LAP3: variants seen among roughly 807,000 people sequenced by gnomAD.
LAP3 encodes cytosol aminopeptidase.
In LAP3, 46 loss-of-function variants were observed where a neutral mutation model predicts 58.8. That is an observed-to-expected ratio of 0.78 (90% CI 0.62 to 1.00). The LOEUF (loss-of-function observed/expected upper bound fraction) is 1.00. LAP3 is among the 50% of genes least tolerant of loss of function. The probability of loss-of-function intolerance (pLI) is 0.00; values close to 1 mark genes in which losing one functional copy is unlikely to be tolerated. For missense variants in LAP3, 615 were observed against 659.1 expected, an observed-to-expected ratio of 0.93 and a Z score of 0.73; for synonymous variants, 257 against 237.7, an observed-to-expected ratio of 1.08 and a Z score of -0.75.
intron 10 of LAP3, 81 bp downstream of exon 10, chr4:17,598,639 T>A: frequency 1.9e-6 from 2 of 1,037,868 alleles, no homozygotes; most frequent in Admixed American, 3.9e-5. Context: ...ACTTGTGGCA[T>A]TATTTTGCTA....
intron 7 of LAP3, among the ~76,000 whole-genome samples, chr4:17,594,419 T>C (rs1713777449): frequency 6.6e-6 from 1 of 152,196 alleles, no homozygotes; most frequent in Non-Finnish European, 1.5e-5. Context: ...GGATTTAATT[T>C]TGAAGGAAAG....
In LAP3 at chr4:17,585,610, A is replaced by G. The variant is rs147467201; in HGVS notation, c.704+474A>G. Among the ~76,000 whole-genome samples, 5 of 152,044 alleles carry G rather than the reference A, an allele frequency of 3.3e-5. No homozygotes were observed. The East Asian group carries it at 9.7e-4, about 30-fold the overall frequency. On this transcript the variant is annotated intron_variant, in intron 6 of 12. Transcript: ENST00000226299. ...GCTAATTTCTTAATTTTTTGTAGAGATGGGTCTCCCGCTGTGTTGCCCAGG... is the reference window on the plus strand; with the variant it reads ...GCTAATTTCTTAATTTTTTGTAGAGGTGGGTCTCCCGCTGTGTTGCCCAGG...
chr4:17,583,669 T>G (rs1231740625), intron 5 of LAP3, 27 bp downstream of exon 5: 4 of 1,612,928 alleles, frequency 2.5e-6, no homozygotes, highest in Non-Finnish European at 3.4e-6. Context: ...AGGAGGAGGG[T>G]GGTGCTCCCT....
Position 17,590,922 on chromosome 4 carries a change from ACT to A in LAP3, c.863+1946_863+1947del, listed in dbSNP as rs1713670598. On this transcript the variant is annotated intron_variant, in intron 7 of 12. Coordinates refer to ENST00000226299, the MANE Select transcript of LAP3 (RefSeq NM_015907.3). ...CAGCAAACACAATTTAGAAAGTTAA[ACT>A]TTTTTTTTTTTTTTTTTTTTTTTTA... Among the ~76,000 whole-genome samples, 3 of 135,114 alleles carry A rather than the reference ACT, an allele frequency of 2.2e-5. No individual in the cohort carries two copies. In the East Asian group the frequency reaches 6.8e-4, roughly 30 times the overall value. The allele number at this position is 135,114 out of a possible 152,430, so 88.6% of individuals were successfully genotyped here.
At chr4:17,592,309 C>T (rs942795788) in intron 7 of LAP3, among the ~76,000 whole-genome samples, 1 of 149,620 alleles carries the variant, frequency 6.7e-6, no homozygotes, top group Non-Finnish European at 1.5e-5. Flanking sequence ...TTGCCTATTC[C>T]GGAAAGTCAT....
intron 1 of LAP3, among the ~76,000 whole-genome samples, chr4:17,577,867 C>T (rs1229479639): frequency 6.6e-6 from 1 of 152,170 alleles, no homozygotes; most frequent in East Asian, 1.9e-4. Context: ...GGCAGTAACC[C>T]GGGGAAAGAC....
chr4:17,602,699 C>T (rs1042572022), intron 10 of LAP3, among the ~76,000 whole-genome samples: 2 of 151,638 alleles, frequency 1.3e-5, no homozygotes, highest in African/African-American at 4.8e-5. Flanking sequence ...AATTTTTTCT[C>T]TTTTTTTTGA....
rs1713806220 is a variant in LAP3 at position 17,595,445 on chromosome 4, A to G, written c.899A>G (p.Asp300Gly). 1 of 1,613,642 alleles carries G rather than the reference A, an allele frequency of 6.2e-7. No homozygotes were observed. Among genetic ancestry groups the G allele is most frequent in the South Asian group, 1.1e-5 (1 of 91,062 alleles). ...TCCATCAAGGCTTCTGCAAATATGG[A>G]CCTCATGAGGGCTGACATGGGAGGA... ...GISIKASANM[D>G]LMRADMGGAA... Residue 300 changes from aspartate (D) to glycine (G), a missense_variant, in exon 8 of 13, where the codon GAC (aspartate) becomes GGC (glycine). Physicochemically the swap from Asp to Gly is moderately conservative, Grantham distance 94. Coordinates refer to ENST00000226299, the MANE Select transcript of LAP3 (RefSeq NM_015907.3).
intron 6 of LAP3, among the ~76,000 whole-genome samples, chr4:17,588,441 G>A (rs1195317030): frequency 2.0e-5 from 3 of 152,040 alleles, no homozygotes; most frequent in Non-Finnish European, 4.4e-5. Flanking sequence ...CACCGCACCC[G>A]GCCTTCTAAC....
chr4:17,577,665 C>A, intron 1 of LAP3, 98 bp downstream of exon 1: 5 of 937,746 alleles, frequency 5.3e-6, no homozygotes, highest in Non-Finnish European at 6.3e-6. Context: ...CCTGGGCGCC[C>A]AAGCCAAGTT....
chr4:17,604,213 A>T (rs1359916387), intron 10 of LAP3, among the ~76,000 whole-genome samples: 1 of 150,144 alleles, frequency 6.7e-6, no homozygotes, highest in Non-Finnish European at 1.5e-5. Flanking sequence ...TTGAGGCTGC[A>T]TACAGTGAGC....
intron 8 of LAP3, 73 bp downstream of exon 8, chr4:17,595,607 TA>T (rs1485547575): frequency 1.3e-6 from 2 of 1,481,968 alleles, no homozygotes; most frequent in Non-Finnish European, 1.9e-6. Flanking sequence ...AGACAACAGA[TA>T]TGATTTCCCC....
intron 11 of LAP3, among the ~76,000 whole-genome samples, chr4:17,606,286 C>T (rs554349617): frequency 6.6e-6 from 1 of 152,136 alleles, no homozygotes; most frequent in Non-Finnish European, 1.5e-5. Flanking sequence ...TAGCAAAATG[C>T]CCTACAGATT....
chr4:17,604,292 AGG>A (rs1714061557), intron 10 of LAP3, among the ~76,000 whole-genome samples: 2 of 143,196 alleles, frequency 1.4e-5, no homozygotes, highest in Admixed American at 1.4e-4. Flanking sequence ...AAAAAAAAAA[AGG>A]TTTAGATGTC....
rs143452682 is a variant in LAP3, at chr4:17,602,044, C to T, written c.1181-2544C>T. On this transcript the variant is annotated intron_variant, in intron 10 of 12. Transcript: ENST00000226299. Reference sequence around the variant, plus strand: ...ACATGGTTAAGAATTTAAGGAGCAACTTGGACATACTTTGCATTGCAGGGA... The same window carrying T: ...ACATGGTTAAGAATTTAAGGAGCAATTTGGACATACTTTGCATTGCAGGGA... Among the ~76,000 whole-genome samples, 618 of 152,290 alleles carry T rather than the reference C, an allele frequency of 4.1e-3. 5 individuals carry two copies. The highest frequency in any genetic ancestry group is 0.014 in the African/African-American group (590 of 41,568).
Position 17,598,448 on chromosome 4 carries a change from C to G in LAP3, c.1078-8C>G. The G allele has an allele frequency of 6.2e-7, 1 of 1,600,412 alleles. No individual in the cohort carries two copies. Among genetic ancestry groups the G allele is most frequent in the Non-Finnish European group, 8.6e-7 (1 of 1,167,566 alleles). ...GCTGTCACCCTTTCTGTTTTTGACC[C>G]TCTGCAGGTTGATAACACTGATGCT... On this transcript the variant is annotated splice_polypyrimidine_tract_variant and splice_region_variant and intron_variant, in intron 9 of 12. Transcript: ENST00000226299.
chr4:17,594,721 G>A (rs1713786238), intron 7 of LAP3, among the ~76,000 whole-genome samples: 1 of 152,212 alleles, frequency 6.6e-6, no homozygotes, highest in African/African-American at 2.4e-5. Flanking sequence ...TTTGCCATCA[G>A]CAGGATATAG....
chr4:17,587,621 C>A (rs1052056435), intron 6 of LAP3: 5 of 152,430 alleles, frequency 3.3e-5, no homozygotes, highest in Non-Finnish European at 5.9e-5. Context: ...GATAGAATTT[C>A]TTTCTTGGCC....
At chr4:17,586,071 C>G (rs955195543) in intron 6 of LAP3, 3 of 152,224 alleles carry the variant, frequency 2.0e-5, no homozygotes, top group Non-Finnish European at 2.9e-5. Context: ...TTCCCTTAGC[C>G]TAGACTCCAG....
Sources: gnomAD v4.1 joint callset for allele counts (sites outside exome capture counted in the v4.1 genomes callset) on GRCh38, gnomAD v4.1.1 for gene constraint, MANE v1.5 for transcripts, NCBI Gene and HGNC (gene_info 2026-07-23, HGNC 2026-07-21) for gene names.